The following TRPM1 variants were observed in gnomAD, a reference collection of about 807,000 sequenced individuals.
TRPM1 encodes the protein transient receptor potential cation channel subfamily M member 1.
In TRPM1, 113 loss-of-function variants were observed where a neutral mutation model predicts 149.4. The ratio of observed to expected loss-of-function variants is 0.76; its 90% confidence interval spans 0.65 to 0.88. The LOEUF (loss-of-function observed/expected upper bound fraction) is 0.88. Ranked by LOEUF, TRPM1 falls within the 40% of genes least tolerant of loss-of-function variation. TRPM1 has a pLI of 0.00. For missense variants in TRPM1, 1,976 were observed against 2,038.7 expected (o/e 0.97, Z 0.59); for synonymous variants, 741 against 759.5 (o/e 0.98, Z 0.40).
chr15:31,108,332 G>A (rs574392606), intron 1 of TRPM1, among the ~76,000 whole-genome samples: 2 of 152,094 alleles, frequency 1.3e-5, no homozygotes, highest in Non-Finnish European at 2.9e-5. Context: ...TTTGTTGTTG[G>A]GTGTAGTATA....
intron 1 of TRPM1, among the ~76,000 whole-genome samples, chr15:31,126,737 A>T (rs2035956285): frequency 6.6e-6 from 1 of 152,152 alleles, no homozygotes; most frequent in Non-Finnish European, 1.5e-5. Context: ...GCCAAGGCAG[A>T]CAGATCACTT....
intron 17 of TRPM1, among the ~76,000 whole-genome samples, chr15:31,041,196 C>G (rs1473926020): frequency 6.6e-6 from 1 of 151,892 alleles, no homozygotes; most frequent in South Asian, 2.1e-4. Flanking sequence ...ACTCTATCAC[C>G]CAGGCTGGAG....
At chr15:31,019,430 C>G (rs1269685775) in intron 27 of TRPM1, among the ~76,000 whole-genome samples, 1 of 152,138 alleles carries the variant, frequency 6.6e-6, no homozygotes, top group East Asian at 1.9e-4. Context: ...GAGAGGGAGT[C>G]TCTGTCACGC....
intron 9 of TRPM1, 122 bp downstream of exon 9, chr15:31,062,457 G>C: frequency 2.3e-6 from 3 of 1,302,242 alleles, no homozygotes; most frequent in Non-Finnish European, 3.3e-6. Flanking sequence ...CATTTGTACT[G>C]TCTCTCAGAA....
chr15:31,124,728 T>C (rs192291729), intron 1 of TRPM1, among the ~76,000 whole-genome samples: 6 of 149,752 alleles, frequency 4.0e-5, no homozygotes, highest in Admixed American at 4.0e-4. Flanking sequence ...AAGGGCGAAA[T>C]TATAGAGACA....
In TRPM1 at chr15:31,001,333, C is replaced by CT. The variant is rs547146877; in HGVS notation, c.*488dup. On this transcript the variant is annotated 3_prime_UTR_variant, in exon 28 of 28. Coordinates refer to ENST00000256552, the MANE Select transcript of TRPM1 (RefSeq NM_001252024.2). The stretch of plus-strand genomic sequence containing the variant: ...TTTCTCTTTCTTACACAGTTGCTTA[C>CT]TTTTTTTTTTTTTTTTAAGAGATGG... 3.8e-3 allele frequency: 524 copies of CT among 138,728 alleles called. No homozygotes were observed. The highest frequency in any genetic ancestry group is 6.3e-3 in the South Asian group (26 of 4,150). The allele number at this position is 138,728 out of a possible 1,614,324, so 8.6% of individuals were successfully genotyped here.
chr15:31,081,249 C>T (rs1471665660), intron 2 of TRPM1, 104 bp downstream of exon 2: 18 of 775,408 alleles, frequency 2.3e-5, no homozygotes, highest in Non-Finnish European at 4.3e-6. Context: ...CCCTCTGCTT[C>T]ACTGGAAATC....
upstream of TRPM1, among the ~76,000 whole-genome samples, chr15:31,105,777 C>T (rs2035598151): frequency 6.6e-6 from 1 of 152,200 alleles, no homozygotes; most frequent in African/African-American, 2.4e-5. Context: ...TTATTATTCT[C>T]TGTGTGGTTA....
intron 3 of TRPM1, among the ~76,000 whole-genome samples, chr15:31,070,769 G>T (rs2034517577): frequency 6.6e-6 from 1 of 152,102 alleles, no homozygotes; most frequent in African/African-American, 2.4e-5. Flanking sequence ...TACCCAGGCT[G>T]GTCTCGAACT....
chr15:31,031,451 G>C (rs145526679), intron 22 of TRPM1: 100 of 477,302 alleles, frequency 2.1e-4, no homozygotes, highest in African/African-American at 1.9e-3. Flanking sequence ...AACTGCAAAT[G>C]GAGAAAGGGA....
rs60370849 is a variant in TRPM1 at position 31,136,749 on chromosome 15, CTTTTTT to C, written c.54+24151_54+24156del. The stretch of plus-strand genomic sequence containing the variant: ...TCTGCTTTCCTCAGCCGCCCCCACC[CTTTTTT>C]TTTTTTTTGCCTATAAAGCCAACCT... On this transcript the variant is annotated intron_variant, in intron 1 of 26. Coordinates refer to the TRPM1 transcript ENST00000542188. 3.6e-5 allele frequency among the ~76,000 whole-genome samples: 5 copies of C among 137,854 alleles called. No homozygotes were observed. The South Asian group carries it at 1.1e-3, about 32-fold the overall frequency. 90.4% of individuals were successfully genotyped at this position (137,854 alleles called of 152,430 possible). A position where few individuals can be genotyped will look rare whatever the true frequency, so the allele number is the denominator to read the frequency against.
rs762687388 is a variant in TRPM1, at chr15:31,042,175, A to G, written c.1863T>C (p.Asp621=). 17 of 1,613,880 alleles carry G rather than the reference A, an allele frequency of 1.1e-5. No individual in the cohort carries two copies. In the South Asian group the frequency reaches 1.9e-4, roughly 18 times the overall value. ...ACCGACTCACGGCAGGGTCGTCCACATCAATGTCGATCTCTTCCTCCTTTT... is the reference window on the plus strand; with the variant it reads ...ACCGACTCACGGCAGGGTCGTCCACGTCAATGTCGATCTCTTCCTCCTTTT... ...KKKKEEEIDI[D]VDDPAVSRFQ... The change falls in exon 17 of 28, where the codon GAT becomes GAC. Residue 621 remains aspartate (D), a synonymous_variant. Coordinates refer to ENST00000256552, the MANE Select transcript of TRPM1 (RefSeq NM_001252024.2).
At chr15:31,076,094 G>A (rs148276457) in intron 3 of TRPM1, among the ~76,000 whole-genome samples, 26 of 150,790 alleles carry the variant, frequency 1.7e-4, no homozygotes, top group South Asian at 1.5e-3. Flanking sequence ...TTTTGTGACC[G>A]TTGGCATTGT....
At chr15:31,113,544 T>C (rs1024182836) in intron 1 of TRPM1, among the ~76,000 whole-genome samples, 5 of 150,630 alleles carry the variant, frequency 3.3e-5, no homozygotes, top group Non-Finnish European at 7.4e-5. Flanking sequence ...TTCTTTGTAC[T>C]CCTAAAATGT....
intron 21 of TRPM1, among the ~76,000 whole-genome samples, chr15:31,034,375 G>A (rs1235364606): frequency 6.6e-6 from 1 of 152,208 alleles, no homozygotes; most frequent in African/African-American, 2.4e-5. Flanking sequence ...ATCCCCTGGA[G>A]CTTTTCCCCA....
intron 1 of TRPM1, among the ~76,000 whole-genome samples, chr15:31,132,825 C>T (rs2036034355): frequency 6.6e-6 from 1 of 152,100 alleles, no homozygotes; most frequent in African/African-American, 2.4e-5. Flanking sequence ...TCTCACGAGA[C>T]CTGATGGTTT....
intron 27 of TRPM1, among the ~76,000 whole-genome samples, chr15:31,006,343 A>C (rs1051247468): frequency 1.3e-5 from 2 of 152,004 alleles, no homozygotes; most frequent in African/African-American, 4.8e-5. Flanking sequence ...ATGCCTGACT[A>C]ATTTTTGTAT....
rs2032759961 is a variant in TRPM1, at chr15:31,026,439, C to T, written c.3497-168G>A. 1.3e-5 allele frequency: 11 copies of T among 824,934 alleles called. No individual in the cohort carries two copies. In the South Asian group the frequency reaches 1.6e-4, roughly 12 times the overall value. 51.1% of individuals were successfully genotyped at this position (824,934 alleles called of 1,614,324 possible). ...TTATCTAAAAAGGGGTTGTCATACG[C>T]CCCAACCCTCTATCAGTTGGAGCCA... On this transcript the variant is annotated intron_variant, in intron 26 of 27. Transcript: ENST00000256552.
intron 1 of TRPM1, among the ~76,000 whole-genome samples, chr15:31,138,935 A>T (rs1006609929): frequency 6.6e-6 from 1 of 152,104 alleles, no homozygotes; most frequent in African/African-American, 2.4e-5. Flanking sequence ...TAAAAAAAAA[A>T]TGACTTACCT....
Sources: gnomAD v4.1 joint callset for allele counts (sites outside exome capture counted in the v4.1 genomes callset) on GRCh38, gnomAD v4.1.1 for gene constraint, MANE v1.5 for transcripts, NCBI Gene and HGNC (gene_info 2026-07-23, HGNC 2026-07-21) for gene names.